The following MCF2L2 variants were observed in gnomAD, a reference collection of about 807,000 sequenced individuals.
The protein encoded by MCF2L2 is probable guanine nucleotide exchange factor MCF2L2.
Under a neutral mutation model 150.2 loss-of-function variants are expected in MCF2L2, and 102 were observed. The observed-to-expected ratio is 0.68, with a 90% CI of 0.58 to 0.80. The LOEUF is 0.80. MCF2L2 is among the 30% of genes least tolerant of loss of function. The pLI is 0.00. For synonymous variants in MCF2L2, 465 were observed against 491.3 expected, an observed-to-expected ratio of 0.95 and a Z score of 0.71; for missense variants, 1,256 against 1,372.8, an observed-to-expected ratio of 0.91 and a Z score of 1.34.
intron 1 of MCF2L2, among the ~76,000 whole-genome samples, chr3:183,421,369 A>G (rs1164129263): frequency 2.0e-5 from 3 of 152,186 alleles, no homozygotes; most frequent in Non-Finnish European, 4.4e-5. Flanking sequence ...CAGATTGCAT[A>G]ATCTCTATCA....
chr3:183,397,333 G>A (rs951667130), intron 1 of MCF2L2, among the ~76,000 whole-genome samples: 1 of 152,178 alleles, frequency 6.6e-6, no homozygotes, highest in Non-Finnish European at 1.5e-5. Context: ...CATTCTTGCC[G>A]CATCCTCACA....
intron 3 of MCF2L2, among the ~76,000 whole-genome samples, chr3:183,357,182 T>A (rs778773614): frequency 2.0e-5 from 3 of 152,028 alleles, no homozygotes; most frequent in Non-Finnish European, 2.9e-5. Flanking sequence ...ACCATGCAGA[T>A]AAACCAAAAG....
intron 3 of MCF2L2, among the ~76,000 whole-genome samples, chr3:183,349,815 A>G (rs1187350950): frequency 6.6e-6 from 1 of 151,680 alleles, no homozygotes; most frequent in East Asian, 1.9e-4. Context: ...TGTTTTTTTC[A>G]CAGCAAACCT....
Position 183,179,324 on chromosome 3 carries a change from C to T in MCF2L2, c.*56G>A. The stretch of plus-strand genomic sequence containing the variant: ...GGCAGGGCCCGGGCCCCCACACCGC[C>T]TCTCCCGGGAATGCGGGCGCTCTGG... On this transcript the variant is annotated 3_prime_UTR_variant, in exon 30 of 30. Coordinates refer to ENST00000328913, the MANE Select transcript of MCF2L2 (RefSeq NM_015078.4). This position sits in a 1 kb window ranked among gnomAD's most constrained non-coding sequence, Gnocchi z 4.2. 1.4e-6 allele frequency: 2 copies of T among 1,385,718 alleles called. No homozygotes were observed. Among genetic ancestry groups the T allele is most frequent in the Non-Finnish European group, 1.9e-6 (2 of 1,073,940 alleles). 85.8% of individuals were successfully genotyped at this position (1,385,718 alleles called of 1,614,324 possible).
chr3:183,194,477 G>A (rs1171441958), intron 26 of MCF2L2, among the ~76,000 whole-genome samples: 4 of 152,194 alleles, frequency 2.6e-5, no homozygotes, highest in Non-Finnish European at 5.9e-5. Context: ...GTGGAACTCA[G>A]CAGCCAGAGG....
chr3:183,415,177 T>C (rs1012791854), intron 1 of MCF2L2, among the ~76,000 whole-genome samples: 12 of 150,882 alleles, frequency 8.0e-5, no homozygotes, highest in African/African-American at 2.7e-4. Flanking sequence ...TTATGTTTAA[T>C]AGTTGAACTG....
chr3:183,309,695 C>T (rs1375522661), intron 10 of MCF2L2, 21 bp downstream of exon 10: 6 of 1,613,848 alleles, frequency 3.7e-6, no homozygotes, highest in Admixed American at 1.7e-5. Context: ...TCCCAGTACA[C>T]AAAAATGTCA....
At chr3:183,192,125 A>G (rs2108634872) in intron 27 of MCF2L2, among the ~76,000 whole-genome samples, 2 of 138,966 alleles carry the variant, frequency 1.4e-5, no homozygotes, top group Admixed American at 1.5e-4. Flanking sequence ...CCGGGATTAC[A>G]GGCATGAGTA....
chr3:183,312,131 T>C (rs749951893), intron 7 of MCF2L2, among the ~76,000 whole-genome samples: 12 of 152,234 alleles, frequency 7.9e-5, no homozygotes, highest in Non-Finnish European at 1.6e-4. Flanking sequence ...AGATACTGAA[T>C]GTTGAACGCT....
intron 15 of MCF2L2, among the ~76,000 whole-genome samples, chr3:183,247,414 CAAAT>C (rs1724307574): frequency 6.6e-6 from 1 of 152,124 alleles, no homozygotes; most frequent in Non-Finnish European, 1.5e-5. Context: ...CATCTGCAAT[CAAAT>C]ATAACAAGAC....
intron 22 of MCF2L2, among the ~76,000 whole-genome samples, chr3:183,213,706 G>C (rs1334484889): frequency 6.6e-6 from 1 of 152,184 alleles, no homozygotes; most frequent in Non-Finnish European, 1.5e-5. Flanking sequence ...ATAGCACCCT[G>C]ATAGGGAATG....
At chr3:183,311,476 T>C (rs558090156) in intron 8 of MCF2L2, among the ~76,000 whole-genome samples, 172 bp downstream of exon 8, 3 of 152,322 alleles carry the variant, frequency 2.0e-5, no homozygotes, top group South Asian at 4.1e-4. Context: ...AAGATCTCTG[T>C]ATGTGGATGC....
chr3:183,290,158 C>T (rs1728041635), intron 13 of MCF2L2, among the ~76,000 whole-genome samples: 1 of 152,186 alleles, frequency 6.6e-6, no homozygotes, highest in Non-Finnish European at 1.5e-5. Flanking sequence ...CTTTCAAATG[C>T]TCTCCCTCTT....
chr3:183,356,373 C>T (rs190486420), intron 3 of MCF2L2, among the ~76,000 whole-genome samples: 207 of 152,094 alleles, frequency 1.4e-3, no homozygotes, highest in Non-Finnish European at 2.3e-3. Context: ...ATTAGTTGGG[C>T]GTGGTGGCAT....
At chr3:183,389,355 G>C (rs1310828501) in intron 2 of MCF2L2, among the ~76,000 whole-genome samples, 1 of 152,220 alleles carries the variant, frequency 6.6e-6, no homozygotes, top group Non-Finnish European at 1.5e-5. Context: ...CTGAATCTTG[G>C]AAGAACATCC....
At chr3:183,268,926 A>G (rs144842483) in intron 15 of MCF2L2, among the ~76,000 whole-genome samples, 47 of 152,356 alleles carry the variant, frequency 3.1e-4, no homozygotes, top group African/African-American at 1.1e-3. Context: ...AGGTGGCTGT[A>G]TAAATCTGGG....
In MCF2L2 at chr3:183,270,008, G is replaced by C. The variant is rs1289005807; in HGVS notation, c.1862+6864C>G. The C allele has an allele frequency of 8.1e-6, 13 of 1,614,086 alleles. No homozygotes were observed. The highest frequency in any genetic ancestry group is 1.1e-5 in the Non-Finnish European group (13 of 1,180,014). On this transcript the variant is annotated intron_variant, in intron 15 of 29. Transcript: ENST00000328913. This position sits in a 1 kb window ranked among gnomAD's most constrained non-coding sequence, Gnocchi z 4.5. Reference sequence around the variant, plus strand: ...TGTCTCTTAAGCACACCTCAGCGGGGCCTCGCTACCAATACTTGATTAACC... The same window carrying C: ...TGTCTCTTAAGCACACCTCAGCGGGCCCTCGCTACCAATACTTGATTAACC...
intron 1 of MCF2L2, among the ~76,000 whole-genome samples, chr3:183,416,186 G>A (rs1715578530): frequency 6.6e-6 from 1 of 152,000 alleles, no homozygotes; most frequent in Admixed American, 6.6e-5. Flanking sequence ...GTTATACATA[G>A]TATATCTACG....
At chr3:183,352,081 G>A (rs939403303) in intron 3 of MCF2L2, among the ~76,000 whole-genome samples, 2 of 152,126 alleles carry the variant, frequency 1.3e-5, no homozygotes, top group Admixed American at 6.5e-5. Context: ...TGATTTTGTC[G>A]ATCTCTCAAG....
Sources: allele counts gnomAD v4.1 joint callset (sites outside exome capture counted in the v4.1 genomes callset), GRCh38; gene constraint gnomAD v4.1.1; non-coding constraint Gnocchi (gnomAD v3.1); transcripts MANE v1.5; gene names NCBI Gene and HGNC (gene_info 2026-07-23, HGNC 2026-07-21).